The following ARHGEF3 variants were observed in gnomAD, a reference collection of about 807,000 sequenced individuals.
ARHGEF3 encodes the protein 59.8 kDA protein.
Under a neutral mutation model 63.2 loss-of-function variants are expected in ARHGEF3, and 28 were observed. The ratio of observed to expected loss-of-function variants is 0.44; its 90% CI spans 0.33 to 0.61. ARHGEF3 has a LOEUF of 0.61. ARHGEF3 is among the 20% of genes least tolerant of loss of function. ARHGEF3 has a pLI of 0.03. For missense variants in ARHGEF3, 533 were observed against 659.3 expected (o/e 0.81, Z 2.10); for synonymous variants, 266 against 254.2 (o/e 1.05, Z -0.44).
chr3:56,775,131 A>G, intron 1 of ARHGEF3: 1 of 1,546,508 alleles, frequency 6.5e-7, no homozygotes, highest in Non-Finnish European at 8.7e-7. Flanking sequence ...GGGAGCCTCT[A>G]GGTATTCATC....
chr3:56,916,341 TG>T (rs1281061662), intron 3 of ARHGEF3: 2 of 1,535,316 alleles, frequency 1.3e-6, no homozygotes, highest in African/African-American at 2.7e-5. Flanking sequence ...CACCACACCA[TG>T]GGGCGCTCTG....
At chr3:56,937,444 A>C (rs891257645) in intron 3 of ARHGEF3, among the ~76,000 whole-genome samples, 3 of 152,344 alleles carry the variant, frequency 2.0e-5, no homozygotes, top group African/African-American at 7.2e-5. Context: ...TACATAAAGC[A>C]AATGTTAGGA....
chr3:57,055,422 A>G (rs143270100), intron 1 of ARHGEF3, among the ~76,000 whole-genome samples: 80 of 152,282 alleles, frequency 5.3e-4, no homozygotes, highest in African/African-American at 1.8e-3. Flanking sequence ...TCGGCCTCCC[A>G]GAGTGCCAGG....
chr3:56,815,371 A>G (rs957168697), intron 4 of ARHGEF3, among the ~76,000 whole-genome samples: 2 of 152,178 alleles, frequency 1.3e-5, no homozygotes, highest in Non-Finnish European at 2.9e-5. Flanking sequence ...AATTTCAGGA[A>G]AGCTTTCAAA....
chr3:57,071,528 T>C (rs935109467), intron 1 of ARHGEF3, among the ~76,000 whole-genome samples: 2 of 151,716 alleles, frequency 1.3e-5, no homozygotes, highest in African/African-American at 4.8e-5. Flanking sequence ...GGTGTGATGA[T>C]GCACACCTGT....
intron 3 of ARHGEF3, among the ~76,000 whole-genome samples, chr3:56,952,186 T>C (rs1422317703): frequency 6.6e-6 from 1 of 152,016 alleles, no homozygotes; most frequent in African/African-American, 2.4e-5. Flanking sequence ...TGGCTCTTCC[T>C]CAAGTCAGAG....
chr3:56,922,573 T>C lies in ARHGEF3; in HGVS notation c.129+36250A>G, dbSNP rs2042172273. ...TCTGCCTAGATCAAAAAACAATGCT[T>C]GACACACCGAATTTCCAAGTTAAAA... On this transcript the variant is annotated intron_variant, in intron 3 of 12. Coordinates refer to the ARHGEF3 transcript ENST00000338458. Among the ~76,000 whole-genome samples the C allele has an allele frequency of 3.3e-5, 5 of 152,152 alleles. No homozygotes were observed. In the South Asian group the frequency reaches 1.0e-3, roughly 32 times the overall value.
intron 2 of ARHGEF3, among the ~76,000 whole-genome samples, chr3:56,971,826 C>T (rs1306287612): frequency 6.6e-6 from 1 of 151,820 alleles, no homozygotes; most frequent in Non-Finnish European, 1.5e-5. Flanking sequence ...TGAACTCCAG[C>T]CTGGGCAACA....
At chr3:56,916,596 A>C in intron 3 of ARHGEF3, 1 of 897,394 alleles carries the variant, frequency 1.1e-6, no homozygotes, top group Non-Finnish European at 1.5e-6. Flanking sequence ...TCAAAGGTAC[A>C]CCAGAAGTTC....
chr3:56,834,780 A>G (rs2108086593), intron 4 of ARHGEF3, among the ~76,000 whole-genome samples: 2 of 151,718 alleles, frequency 1.3e-5, no homozygotes, highest in South Asian at 2.1e-4. Context: ...AACAATATCC[A>G]GGTATAAATA....
chr3:56,867,396 A>C (rs2040285564), intron 4 of ARHGEF3, among the ~76,000 whole-genome samples: 1 of 152,250 alleles, frequency 6.6e-6, no homozygotes, highest in Non-Finnish European at 1.5e-5. Flanking sequence ...GTGATGATAA[A>C]GGCTATGAAG....
chr3:56,801,452 C>CA (rs1423276976), intron 1 of ARHGEF3, among the ~76,000 whole-genome samples: 1 of 152,116 alleles, frequency 6.6e-6, no homozygotes, highest in Non-Finnish European at 1.5e-5. Context: ...GGTAGAGGGA[C>CA]AGGGAGAGAG....
At chr3:56,781,410 CT>C (rs1478726348) in intron 1 of ARHGEF3, among the ~76,000 whole-genome samples, 1 of 149,378 alleles carries the variant, frequency 6.7e-6, no homozygotes, top group African/African-American at 2.4e-5. Flanking sequence ...CCATACCCGG[CT>C]AATTTTTGTA....
intron 4 of ARHGEF3, among the ~76,000 whole-genome samples, chr3:56,822,042 A>AGCGAG (rs1559968794): frequency 1.6e-4 from 24 of 151,538 alleles, no homozygotes; most frequent in African/African-American, 5.8e-4. Context: ...AGCGAGGAAA[A>AGCGAG]GAAAAGAAAA....
Position 56,986,722 on chromosome 3 carries a change from G to A in ARHGEF3, c.63-27833C>T, listed in dbSNP as rs1004909415. Among the ~76,000 whole-genome samples the A allele has an allele frequency of 5.9e-5, 9 of 152,164 alleles. No homozygotes were observed. In the South Asian group the frequency reaches 6.2e-4, roughly 11 times the overall value. On this transcript the variant is annotated intron_variant, in intron 2 of 12. Coordinates refer to the ARHGEF3 transcript ENST00000338458. Reference sequence around the variant, plus strand: ...GCTGGTCACCTCGAAGGCAGTTTCAGGGTAGTAGTGGGGGTAGTCACTGGG... The same window carrying A: ...GCTGGTCACCTCGAAGGCAGTTTCAAGGTAGTAGTGGGGGTAGTCACTGGG...
upstream of ARHGEF3, among the ~76,000 whole-genome samples, chr3:56,802,777 C>T (rs1163265444): frequency 6.6e-6 from 1 of 152,060 alleles, no homozygotes; most frequent in African/African-American, 2.4e-5. Context: ...CCCAAGAAGG[C>T]GATTGATCTT....
intron 1 of ARHGEF3, among the ~76,000 whole-genome samples, chr3:56,775,939 C>T (rs957180645): frequency 1.3e-5 from 2 of 152,198 alleles, no homozygotes; most frequent in East Asian, 3.9e-4. Flanking sequence ...CCTGAGGGAG[C>T]AGGACCTGGT....
intron 2 of ARHGEF3, among the ~76,000 whole-genome samples, chr3:57,017,846 T>C (rs1480806722): frequency 2.6e-5 from 4 of 152,190 alleles, no homozygotes; most frequent in African/African-American, 7.2e-5. Context: ...TGCCTGATGC[T>C]GGGAAATGGT....
At chr3:56,797,878 G>T (rs890750323) in intron 1 of ARHGEF3, among the ~76,000 whole-genome samples, 4 of 152,188 alleles carry the variant, frequency 2.6e-5, no homozygotes, top group Admixed American at 2.6e-4. Flanking sequence ...TCCCACAAAG[G>T]TAAACACCCT....
Sources: allele counts gnomAD v4.1 joint callset (sites outside exome capture counted in the v4.1 genomes callset), GRCh38; gene constraint gnomAD v4.1.1; transcripts MANE v1.5; gene names NCBI Gene and HGNC (gene_info 2026-07-23, HGNC 2026-07-21).